EIF4ENIF1: variants seen among roughly 807,000 people sequenced by gnomAD.
EIF4ENIF1 encodes eukaryotic translation initiation factor 4E transporter.
EIF4ENIF1 carries 23 observed loss-of-function variants against 110.5 expected under a neutral mutation model. The ratio of observed to expected loss-of-function variants is 0.21; its 90% CI spans 0.15 to 0.29. The LOEUF (loss-of-function observed/expected upper bound fraction) is 0.29, where lower values mean the gene tolerates loss of function less well. Ranked by LOEUF, EIF4ENIF1 falls within the 10% of genes least tolerant of loss-of-function variation. EIF4ENIF1 has a pLI of 1.00. For synonymous variants in EIF4ENIF1, 440 were observed against 437.0 expected (o/e 1.01, Z -0.09); for missense variants, 1,031 against 1,221.1 (o/e 0.84, Z 2.32).
chr22:31,451,625 C>A (rs948025658), intron 10 of EIF4ENIF1, among the ~76,000 whole-genome samples: 6 of 151,536 alleles, frequency 4.0e-5, no homozygotes, highest in African/African-American at 1.5e-4. Flanking sequence ...ACATACAGGG[C>A]AAAATTCAAA....
downstream of EIF4ENIF1, among the ~76,000 whole-genome samples, chr22:31,438,486 A>G (rs538925259): frequency 7.2e-5 from 11 of 152,302 alleles, no homozygotes; most frequent in African/African-American, 2.6e-4. Flanking sequence ...GAGAAACAGG[A>G]TGCCCCAGTA....
At chr22:31,465,292 T>C (rs527358179) in intron 4 of EIF4ENIF1, among the ~76,000 whole-genome samples, 31 of 141,154 alleles carry the variant, frequency 2.2e-4, no homozygotes, top group Admixed American at 1.4e-3. Context: ...CACTGCACTG[T>C]AGCCTGGGCA....
intron 2 of EIF4ENIF1, among the ~76,000 whole-genome samples, chr22:31,481,677 A>G (rs900595583): frequency 6.6e-6 from 1 of 152,138 alleles, no homozygotes; most frequent in African/African-American, 2.4e-5. Context: ...TATATCCAAG[A>G]AGGCTAGGAT....
intron 6 of EIF4ENIF1, among the ~76,000 whole-genome samples, chr22:31,460,877 G>A (rs1464460609): frequency 2.0e-5 from 3 of 152,174 alleles, no homozygotes; most frequent in African/African-American, 4.8e-5. Context: ...ACCCGGAGGC[G>A]GAGTTTGCCG....
Position 31,458,530 on chromosome 22 carries a change from C to T in EIF4ENIF1, c.908G>A (p.Gly303Glu). 6.2e-7 allele frequency: 1 copy of T among 1,613,408 alleles called. No homozygotes were observed. The highest frequency in any genetic ancestry group is 8.5e-7 in the Non-Finnish European group (1 of 1,179,426). ...AAAGAACTCATTAAAGTCAAAGTCTCCTGGGGACTGCTCAGGCAAGACAGC... is the reference window on the plus strand; with the variant it reads ...AAAGAACTCATTAAAGTCAAAGTCTTCTGGGGACTGCTCAGGCAAGACAGC... ...RDAVLPEQSP[G>E]DFDFNEFFNL... Residue 303 changes from glycine (G) to glutamate (E), a missense_variant, in exon 7 of 19, where the codon GGA becomes GAA. Coordinates refer to ENST00000330125, the MANE Select transcript of EIF4ENIF1 (RefSeq NM_019843.4).
At chr22:31,471,608 CCT>C (rs1452410492) in intron 3 of EIF4ENIF1, among the ~76,000 whole-genome samples, 1 of 152,194 alleles carries the variant, frequency 6.6e-6, no homozygotes, top group African/African-American at 2.4e-5. Flanking sequence ...GCCACCATGC[CCT>C]GTCGGGTTCA....
At chr22:31,483,803 A>C (rs2051917126) in intron 2 of EIF4ENIF1, among the ~76,000 whole-genome samples, 1 of 152,130 alleles carries the variant, frequency 6.6e-6, no homozygotes, top group African/African-American at 2.4e-5. Context: ...AAAAATGCAT[A>C]CTTAGATACT....
At chr22:31,446,007 G>T (rs1008748570) in intron 14 of EIF4ENIF1, among the ~76,000 whole-genome samples, 1 of 141,484 alleles carries the variant, frequency 7.1e-6, no homozygotes, top group Non-Finnish European at 1.5e-5. Context: ...ATAAAATTCT[G>T]GGCCAGGTGC....
intron 1 of EIF4ENIF1, 93 bp downstream of exon 1, chr22:31,489,601 A>C (rs2052186080): frequency 7.3e-6 from 1 of 136,836 alleles, no homozygotes. Flanking sequence ...CACGCACGCG[A>C]CCCCGGGAGC....
At chr22:31,459,908 T>C (rs1040229655) in intron 6 of EIF4ENIF1, among the ~76,000 whole-genome samples, 5 of 152,142 alleles carry the variant, frequency 3.3e-5, no homozygotes, top group Non-Finnish European at 5.9e-5. Flanking sequence ...ATCTGTAAAA[T>C]AAGGAGGTGC....
intron 2 of EIF4ENIF1, 26 bp downstream of exon 2, chr22:31,488,597 A>G: frequency 1.3e-5 from 21 of 1,614,092 alleles, no homozygotes; most frequent in Non-Finnish European, 1.7e-5. Context: ...AAAAAGAAAC[A>G]CTATTTCATT....
rs188455019 is a variant in EIF4ENIF1, at chr22:31,475,866, A to G, written c.97-3949T>C. 1.6e-3 allele frequency among the ~76,000 whole-genome samples: 239 copies of G among 152,196 alleles called. 1 individual carries two copies. The highest frequency in any genetic ancestry group is 4.6e-3 in the African/African-American group (192 of 41,508). On this transcript the variant is annotated intron_variant, in intron 2 of 18. Coordinates refer to ENST00000330125, the MANE Select transcript of EIF4ENIF1 (RefSeq NM_019843.4). ...CAGAGACCCTGTCTCAAAAAAAGAA[A>G]AAAACAAAACACACCACGGGAGACT... is the stretch of plus-strand genomic sequence containing the variant.
Position 31,488,686 on chromosome 22 carries a change from A to G in EIF4ENIF1, c.33T>C (p.Ser11=), listed in dbSNP as rs1227348868. 6.2e-7 allele frequency: 1 copy of G among 1,614,016 alleles called. No homozygotes were observed. The highest frequency in any genetic ancestry group is 8.5e-7 in the Non-Finnish European group (1 of 1,179,988). The change falls in exon 2 of 19, where the codon AGT becomes AGC. Residue 11 remains serine (S), a synonymous_variant. Coordinates refer to ENST00000330125, the MANE Select transcript of EIF4ENIF1 (RefSeq NM_019843.4). MDRRSMGETE[S]GDAFLDLKKP... is the part of the protein sequence containing the mutation. ...TCTTCAGGTCAAGGAAAGCATCTCC[A>G]CTTTCTGTTTCACCCATACTTCTCC...
At chr22:31,470,767 C>G (rs1411941063) in intron 3 of EIF4ENIF1, among the ~76,000 whole-genome samples, 6 of 149,102 alleles carry the variant, frequency 4.0e-5, no homozygotes, top group Admixed American at 2.0e-4. Context: ...ACTGCATCCT[C>G]AAGCTCCTGG....
intron 16 of EIF4ENIF1, among the ~76,000 whole-genome samples, chr22:31,442,546 C>T (rs2050335050): frequency 6.6e-6 from 1 of 152,118 alleles, no homozygotes. Flanking sequence ...CTTCACAATC[C>T]CTACTGTGCA....
At chr22:31,439,041 C>CTT (rs745498791), downstream of EIF4ENIF1, among the ~76,000 whole-genome samples, 1 of 152,158 alleles carries the variant, frequency 6.6e-6, no homozygotes, top group Admixed American at 6.5e-5. Flanking sequence ...TCAAGAAAAA[C>CTT]TTAACTTACT....
intron 2 of EIF4ENIF1, among the ~76,000 whole-genome samples, chr22:31,480,802 C>T (rs1452193766): frequency 2.0e-5 from 3 of 152,030 alleles, no homozygotes; most frequent in East Asian, 1.9e-4. Flanking sequence ...CAGTGGCTCA[C>T]GTCTGTAACC....
At chr22:31,467,973 C>A (rs1054973680) in intron 4 of EIF4ENIF1, among the ~76,000 whole-genome samples, 3 of 152,156 alleles carry the variant, frequency 2.0e-5, no homozygotes, top group Admixed American at 6.6e-5. Flanking sequence ...AAGCACACAG[C>A]CTAACAGTCT....
At chr22:31,449,662 T>C (rs2050587935) in intron 11 of EIF4ENIF1, 131 bp from the exon 12 acceptor site, 2 of 696,814 alleles carry the variant, frequency 2.9e-6, no homozygotes, top group Non-Finnish European at 4.7e-6. Context: ...TTGGCATGTG[T>C]ACATGCAACA....
Sources: allele counts gnomAD v4.1 joint callset (sites outside exome capture counted in the v4.1 genomes callset), GRCh38; gene constraint gnomAD v4.1.1; transcripts MANE v1.5; gene names NCBI Gene and HGNC (gene_info 2026-07-23, HGNC 2026-07-21).